The following ZNF804B variants were observed in gnomAD, a reference collection of about 807,000 sequenced individuals.
The protein encoded by ZNF804B is zinc finger 804B.
A neutral mutation model predicts 101.4 loss-of-function variants in ZNF804B; 80 were observed. That is an observed-to-expected ratio of 0.79 (90% CI 0.66 to 0.95). ZNF804B has a LOEUF of 0.95. ZNF804B is among the 40% of genes least tolerant of loss of function. The pLI, the probability that ZNF804B is intolerant of heterozygous loss-of-function variation, is 0.00. For missense variants in ZNF804B, 1,673 were observed against 1,561.9 expected, an observed-to-expected ratio of 1.07 and a Z score of -1.20; for synonymous variants, 622 against 558.8, an observed-to-expected ratio of 1.11 and a Z score of -1.59.
intron 1 of ZNF804B, among the ~76,000 whole-genome samples, chr7:88,761,948 T>C (rs900608124): frequency 5.3e-5 from 8 of 152,292 alleles, no homozygotes; most frequent in African/African-American, 1.9e-4. Context: ...GATGTGTGAA[T>C]GTGGATGGGA....
intron 1 of ZNF804B, among the ~76,000 whole-genome samples, chr7:89,161,233 A>G (rs375899920): frequency 2.0e-5 from 3 of 152,134 alleles, no homozygotes. Context: ...TCTGAAGTAA[A>G]GCAGTCTCTA....
chr7:89,198,209 T>G (rs1162149822), intron 1 of ZNF804B, among the ~76,000 whole-genome samples: 1 of 151,906 alleles, frequency 6.6e-6, no homozygotes, highest in Non-Finnish European at 1.5e-5. Flanking sequence ...GAAATGCTAC[T>G]CACACATATG....
At chr7:89,077,479 T>G (rs898358725) in intron 1 of ZNF804B, among the ~76,000 whole-genome samples, 1 of 152,128 alleles carries the variant, frequency 6.6e-6, no homozygotes, top group African/African-American at 2.4e-5. Flanking sequence ...TAGGTATTGT[T>G]TAGAGAAAGA....
intron 1 of ZNF804B, among the ~76,000 whole-genome samples, chr7:88,849,788 T>C (rs894935507): frequency 5.3e-5 from 8 of 151,780 alleles, no homozygotes; most frequent in Non-Finnish European, 1.2e-4. Context: ...TCAAGCCTCA[T>C]TTAAATATAT....
At chr7:89,107,537 G>A (rs1790153187) in intron 1 of ZNF804B, among the ~76,000 whole-genome samples, 1 of 152,058 alleles carries the variant, frequency 6.6e-6, no homozygotes, top group South Asian at 2.1e-4. Context: ...CATCTTTTTA[G>A]GATTCTAAGT....
intron 1 of ZNF804B, among the ~76,000 whole-genome samples, chr7:88,928,512 G>A (rs1474035701): frequency 6.6e-6 from 1 of 152,138 alleles, no homozygotes; most frequent in Non-Finnish European, 1.5e-5. Context: ...AAAAGCCCTA[G>A]ATATGATACA....
chr7:89,083,362 T>C lies in ZNF804B; in HGVS notation c.109-134793T>C, dbSNP rs115973186. On this transcript the variant is annotated intron_variant, in intron 1 of 3. Transcript: ENST00000333190. ...CAATACATGTTTATAATCATATCTG[T>C]TAATAATTTCTGTTCCTTTCTCCAA... 8.8e-3 allele frequency among the ~76,000 whole-genome samples: 1,337 copies of C among 151,954 alleles called. 19 individuals carry two copies. The highest frequency in any genetic ancestry group is 0.031 in the African/African-American group (1,290 of 41,508).
At position 88,873,691 on chromosome 7, in the gene ZNF804B, G is replaced by T. The variant is rs376381164; in HGVS notation, c.108+113607G>T. The stretch of plus-strand genomic sequence containing the variant: ...CCAGTTTCAGCTTTCTACATATGGC[G>T]AGCCAGTTCTCCCAGCACCATTTAT... On this transcript the variant is annotated intron_variant, in intron 1 of 3. Coordinates refer to ENST00000333190, the MANE Select transcript of ZNF804B (RefSeq NM_181646.5). Among the ~76,000 whole-genome samples the T allele has an allele frequency of 5.5e-3, 844 of 152,098 alleles. 14 individuals carry two copies. Among genetic ancestry groups the T allele is most frequent in the Non-Finnish European group, 2.2e-3 (151 of 67,990 alleles).
At chr7:89,043,129 T>C (rs1274239381) in intron 1 of ZNF804B, among the ~76,000 whole-genome samples, 1 of 152,202 alleles carries the variant, frequency 6.6e-6, no homozygotes, top group Non-Finnish European at 1.5e-5. Context: ...CTTGAGACGC[T>C]CCTTTAAAAA....
intron 2 of ZNF804B, among the ~76,000 whole-genome samples, chr7:89,275,859 C>A (rs1364228896): frequency 6.6e-6 from 1 of 151,800 alleles, no homozygotes; most frequent in African/African-American, 2.4e-5. Flanking sequence ...ATGTTACCTG[C>A]ACCTACTAGG....
intron 2 of ZNF804B, among the ~76,000 whole-genome samples, chr7:89,320,486 A>C (rs1790802515): frequency 6.6e-6 from 1 of 152,118 alleles, no homozygotes; most frequent in Non-Finnish European, 1.5e-5. Flanking sequence ...CACACACAAA[A>C]AAACAGTGCC....
At chr7:89,119,984 G>C (rs1234055106) in intron 1 of ZNF804B, among the ~76,000 whole-genome samples, 1 of 150,418 alleles carries the variant, frequency 6.6e-6, no homozygotes, top group Non-Finnish European at 1.5e-5. Context: ...TTTTTTAATG[G>C]AGCAGACATA....
In ZNF804B at chr7:88,947,144, A is replaced by G. The variant is rs1251781264; in HGVS notation, c.108+187060A>G. Among the ~76,000 whole-genome samples the G allele has an allele frequency of 3.3e-5, 5 of 151,990 alleles. No homozygotes were observed. The South Asian group carries it at 1.0e-3, about 32-fold the overall frequency. On this transcript the variant is annotated intron_variant, in intron 1 of 3. Transcript: ENST00000333190. ...GATCTAGAACCAGAAATACCATTTG[A>G]CCCAGCAATCCCATTACTGGGTATA... is the stretch of plus-strand genomic sequence containing the variant.
intron 1 of ZNF804B, among the ~76,000 whole-genome samples, chr7:88,861,281 T>G (rs1006302787): frequency 1.3e-5 from 2 of 152,100 alleles, no homozygotes; most frequent in Non-Finnish European, 2.9e-5. Flanking sequence ...TTATTAAATG[T>G]TTTCACCAAC....
At chr7:89,128,701 CTAGTT>C (rs1790506360) in intron 1 of ZNF804B, among the ~76,000 whole-genome samples, 1 of 151,944 alleles carries the variant, frequency 6.6e-6, no homozygotes, top group Non-Finnish European at 1.5e-5. Context: ...TAACACATAA[CTAGTT>C]TAACATATTT....
In ZNF804B at chr7:89,252,474, G is replaced by A. The variant is rs114508020; in HGVS notation, c.249+34179G>A. Among the ~76,000 whole-genome samples the A allele has an allele frequency of 3.6e-3, 548 of 152,196 alleles. 7 individuals carry two copies. Among genetic ancestry groups the A allele is most frequent in the African/African-American group, 0.012 (512 of 41,540 alleles). On this transcript the variant is annotated intron_variant, in intron 2 of 3. Coordinates refer to ENST00000333190, the MANE Select transcript of ZNF804B (RefSeq NM_181646.5). ...TTCAACTACAGTGGAAAGAAGTTTG[G>A]ACATTTCCCTAGAACTTAAAACAGG...
chr7:88,796,100 TACTTA>T lies in ZNF804B; in HGVS notation c.108+36023_108+36027del, dbSNP rs377217480. ...GAAAGTTCTATAGTAAGATTTGGCT[TACTTA>T]ACTTAATGTGATTTTAAGAGATGCA... On this transcript the variant is annotated intron_variant, in intron 1 of 3. Coordinates refer to ENST00000333190, the MANE Select transcript of ZNF804B (RefSeq NM_181646.5). Among the ~76,000 whole-genome samples the T allele has an allele frequency of 3.7e-3, 563 of 152,242 alleles. 5 individuals are homozygous for T. Among genetic ancestry groups the T allele is most frequent in the East Asian group, 0.019 (96 of 5,166 alleles).
At chr7:89,188,016 C>T (rs1051631314) in intron 1 of ZNF804B, among the ~76,000 whole-genome samples, 4 of 151,986 alleles carry the variant, frequency 2.6e-5, no homozygotes, top group African/African-American at 9.7e-5. Context: ...TTGGGAAAGT[C>T]ATTTGATTGT....
At chr7:88,956,526 G>T (rs1793311955) in intron 1 of ZNF804B, among the ~76,000 whole-genome samples, 1 of 151,198 alleles carries the variant, frequency 6.6e-6, no homozygotes, top group South Asian at 2.1e-4. Flanking sequence ...CAAAATTTTA[G>T]TTTTATATTT....
Sources: gnomAD v4.1 joint callset for allele counts (sites outside exome capture counted in the v4.1 genomes callset) on GRCh38, gnomAD v4.1.1 for gene constraint, MANE v1.5 for transcripts, NCBI Gene and HGNC (gene_info 2026-07-23, HGNC 2026-07-21) for gene names.